SCN10A: variants seen among roughly 807,000 people sequenced by gnomAD.
SCN10A encodes the protein sodium channel protein type 10 subunit alpha.
A neutral mutation model predicts 170.7 loss-of-function variants in SCN10A; 162 were observed. The ratio of observed to expected loss-of-function variants is 0.95; its 90% CI spans 0.84 to 1.08. The LOEUF (loss-of-function observed/expected upper bound fraction) is 1.08, where lower values mean the gene tolerates loss of function less well. Among genes scored for constraint, SCN10A ranks in the 50% least tolerant of loss-of-function variants. The probability of loss-of-function intolerance (pLI) is 0.00; values close to 1 mark genes in which losing one functional copy is unlikely to be tolerated. For synonymous variants in SCN10A, 985 were observed against 904.6 expected (o/e 1.09, Z -1.59); for missense variants, 2,527 against 2,436.9 (o/e 1.04, Z -0.78).
intron 26 of SCN10A, 144 bp downstream of exon 26, chr3:38,707,135 G>A (rs905170823): frequency 4.0e-6 from 3 of 748,260 alleles, no homozygotes; most frequent in Admixed American, 5.9e-5. Context: ...TTGGGCCTAG[G>A]AACCCTCATC....
intron 21 of SCN10A, 43 bp downstream of exon 21, chr3:38,718,610 G>C: frequency 3.1e-6 from 5 of 1,604,282 alleles, no homozygotes; most frequent in Non-Finnish European, 4.3e-6. Context: ...AGGAGTCAGA[G>C]GGGAGGACCC....
Position 38,723,448 on chromosome 3 carries a change from C to T in SCN10A, c.3334G>A (p.Asp1112Asn). 6.2e-7 allele frequency: 1 copy of T among 1,614,204 alleles called. No individual in the cohort carries two copies. The highest frequency in any genetic ancestry group is 8.5e-7 in the Non-Finnish European group (1 of 1,180,028). The change falls in exon 19 of 28, where the codon GAT (aspartate) becomes AAT (asparagine). Residue 1112 changes from aspartate (D) to asparagine (N), a missense_variant. Coordinates refer to ENST00000449082, the MANE Select transcript of SCN10A (RefSeq NM_006514.4). ...PELADDLEEPDDCFTEGCIRH... is the reference protein window; with the variant it reads ...PELADDLEEPNDCFTEGCIRH... ...CCTTCACCTTCTGTGAAGCAGTCAT[C>T]TGGTTCTTCCAGGTCATCTGCCAGC...
intron 1 of SCN10A, among the ~76,000 whole-genome samples, chr3:38,800,547 T>C (rs2064364856): frequency 6.6e-6 from 1 of 152,154 alleles, no homozygotes; most frequent in African/African-American, 2.4e-5. Context: ...TCTTTCTGGA[T>C]TTTGGAGGTC....
intron 27 of SCN10A, among the ~76,000 whole-genome samples, chr3:38,700,372 T>G (rs1321298636): frequency 6.6e-6 from 1 of 152,192 alleles, no homozygotes. Flanking sequence ...ACTTATAGCA[T>G]AGTCCCTATA....
rs779646839 is a variant in SCN10A, at chr3:38,728,711, T to A, written c.2471A>T (p.His824Leu). The part of the protein sequence containing the change: ...RNNRKNISAP[H>L]EDWPRWHMHD... Reference sequence around the variant, plus strand: ...CATGTGCCAGCGGGGCCAGTCTTCATGGGGCGCGGAGATATTTTTTCGGTT... The same window carrying A: ...CATGTGCCAGCGGGGCCAGTCTTCAAGGGGCGCGGAGATATTTTTTCGGTT... The change falls in exon 16 of 28, where the codon CAT (histidine) becomes CTT (leucine). Residue 824 changes from histidine to leucine, a missense_variant. Physicochemically the swap from His to Leu is moderately conservative, Grantham distance 99. Coordinates refer to ENST00000449082, the MANE Select transcript of SCN10A (RefSeq NM_006514.4). The A allele has an allele frequency of 6.2e-7, 1 of 1,614,074 alleles. No homozygotes were observed. The highest frequency in any genetic ancestry group is 8.5e-7 in the Non-Finnish European group (1 of 1,180,044).
At chr3:38,730,742 A>C (rs2063506059) in intron 15 of SCN10A, among the ~76,000 whole-genome samples, 1 of 152,200 alleles carries the variant, frequency 6.6e-6, no homozygotes, top group Non-Finnish European at 1.5e-5. Context: ...ATTATGAAGA[A>C]GGTTTGCATC....
At chr3:38,761,856 G>GAA (rs1227959121) in intron 6 of SCN10A, among the ~76,000 whole-genome samples, 2 of 151,622 alleles carry the variant, frequency 1.3e-5, no homozygotes, top group East Asian at 3.9e-4. Context: ...GAGAGAGAGA[G>GAA]AGAGAGAGAA....
chr3:38,769,622 T>A lies in SCN10A; in HGVS notation c.599+1657A>T, dbSNP rs142243747. 2.7e-3 allele frequency among the ~76,000 whole-genome samples: 410 copies of A among 152,282 alleles called. 2 individuals carry two copies. Among genetic ancestry groups the A allele is most frequent in the African/African-American group, 9.4e-3 (389 of 41,568 alleles). ...GGAGCTAGTTTGATCTTTTGAGGGG[T>A]GTTATTGAACCCTCTTTTGTCATAT... On this transcript the variant is annotated intron_variant, in intron 5 of 27. Coordinates refer to ENST00000449082, the MANE Select transcript of SCN10A (RefSeq NM_006514.4).
intron 25 of SCN10A, 83 bp from the exon 26 acceptor site, chr3:38,707,466 C>A: frequency 2.2e-6 from 3 of 1,381,424 alleles, no homozygotes; most frequent in Non-Finnish European, 2.0e-6. Context: ...GAGAAAGGAT[C>A]ATATCAACCT....
Position 38,697,126 on chromosome 3 carries a change from G to A in SCN10A, c.*223C>T, listed in dbSNP as rs2063096888. The A allele has an allele frequency of 3.4e-6, 2 of 595,860 alleles. No individual in the cohort carries two copies. The highest frequency in any genetic ancestry group is 4.9e-5 in the South Asian group (2 of 41,054). 36.9% of individuals were successfully genotyped at this position (595,860 alleles called of 1,614,324 possible). Reference sequence around the variant, plus strand: ...ACCCATGATCTGATATTGAAATTCAGAAGGGAAATCACAGTGGAAGTGCTC... The same window carrying A: ...ACCCATGATCTGATATTGAAATTCAAAAGGGAAATCACAGTGGAAGTGCTC... On this transcript the variant is annotated 3_prime_UTR_variant, in exon 28 of 28. Coordinates refer to ENST00000449082, the MANE Select transcript of SCN10A (RefSeq NM_006514.4).
chr3:38,718,235 T>C (rs2063352755), intron 21 of SCN10A, among the ~76,000 whole-genome samples: 1 of 152,188 alleles, frequency 6.6e-6, no homozygotes, highest in African/African-American at 2.4e-5. Flanking sequence ...CCCCAGGTGA[T>C]TCTCAAGTGC....
chr3:38,798,262 A>G (rs774429033), intron 1 of SCN10A, among the ~76,000 whole-genome samples: 1 of 152,138 alleles, frequency 6.6e-6, no homozygotes, highest in Admixed American at 6.5e-5. Context: ...GGTTTTATCT[A>G]CCAGTCCTGT....
rs768244583 is a variant in SCN10A at position 38,726,993 on chromosome 3, G to A, written c.2700C>T (p.Ala900=). The change falls in exon 17 of 28, where the codon GCC becomes GCT. Residue 900 remains alanine (A), a synonymous_variant. Coordinates refer to ENST00000449082, the MANE Select transcript of SCN10A (RefSeq NM_006514.4). Reference sequence around the variant, plus strand: ...TGTTCACCTCCCCATCGTCCTCCGGGGCTGTGAGGTTGTCAGCACTGAAAG... The same window carrying A: ...TGTTCACCTCCCCATCGTCCTCCGGAGCTGTGAGGTTGTCAGCACTGAAAG... The part of the protein sequence containing the change: ...LNSFSADNLT[A]PEDDGEVNNL... 2.5e-5 allele frequency: 40 copies of A among 1,614,214 alleles called. No individual in the cohort carries two copies. Among genetic ancestry groups the A allele is most frequent in the Middle Eastern group, 1.7e-4 (1 of 6,060 alleles).
rs1271482518 is a variant in SCN10A, at chr3:38,698,133, G to T, written c.5087C>A (p.Ala1696Asp). The stretch of plus-strand genomic sequence containing the variant: ...GGTGGTGAAGAAGATGATGCCTACG[G>T]CTGGGCTCCCACAGTCCCCTCTGGT... Reference protein sequence around the residue: ...NGTRGDCGSPAVGIIFFTTYI... With the variant: ...NGTRGDCGSPDVGIIFFTTYI... The change falls in exon 28 of 28, where the codon GCC (alanine) becomes GAC (aspartate). Residue 1696 changes from alanine (A) to aspartate (D), a missense_variant. Coordinates refer to ENST00000449082, the MANE Select transcript of SCN10A (RefSeq NM_006514.4). 6.2e-7 allele frequency: 1 copy of T among 1,614,158 alleles called. No homozygotes were observed. The highest frequency in any genetic ancestry group is 1.3e-5 in the African/African-American group (1 of 75,042).
intron 4 of SCN10A, among the ~76,000 whole-genome samples, chr3:38,776,262 A>C (rs1379644952): frequency 6.6e-6 from 1 of 152,098 alleles, no homozygotes; most frequent in Non-Finnish European, 1.5e-5. Context: ...AAACAGATTC[A>C]TGCTTTGTAT....
At chr3:38,769,837 C>T (rs1215273937) in intron 5 of SCN10A, among the ~76,000 whole-genome samples, 1 of 152,066 alleles carries the variant, frequency 6.6e-6, no homozygotes, top group Non-Finnish European at 1.5e-5. Context: ...TTCTTCTGGG[C>T]CTAGCCACAC....
chr3:38,737,782 C>T (rs2063581977), intron 15 of SCN10A, among the ~76,000 whole-genome samples: 1 of 62,514 alleles, frequency 1.6e-5, no homozygotes, highest in South Asian at 5.8e-4. Flanking sequence ...CTCTCTCTCC[C>T]TCCCTCCCTC....
chr3:38,699,092 C>T (rs1165787683), intron 27 of SCN10A, among the ~76,000 whole-genome samples: 1 of 152,014 alleles, frequency 6.6e-6, no homozygotes, highest in Non-Finnish European at 1.5e-5. Context: ...GCTAATTGTA[C>T]GGAGCCTGGT....
Position 38,793,733 on chromosome 3 carries a change from G to T in SCN10A, c.270+8C>A. ...CTGAGAGCAGACATTCCTACTAGTA[G>T]CTCTTACCCGGTGTGTGCTGTAGAA... is the stretch of plus-strand genomic sequence containing the variant. On this transcript the variant is annotated splice_region_variant and intron_variant, in intron 2 of 27. Transcript: ENST00000449082. The T allele has an allele frequency of 6.2e-7, 1 of 1,608,176 alleles. No homozygotes were observed. The highest frequency in any genetic ancestry group is 8.5e-7 in the Non-Finnish European group (1 of 1,175,744).
Sources: allele counts gnomAD v4.1 joint callset (sites outside exome capture counted in the v4.1 genomes callset), GRCh38; gene constraint gnomAD v4.1.1; transcripts MANE v1.5; gene names NCBI Gene and HGNC (gene_info 2026-07-23, HGNC 2026-07-21).